Variants in TROAP observed in about 807,000 individuals in gnomAD.
The protein encoded by TROAP is tastin.
In TROAP, 62 loss-of-function variants were observed where a neutral mutation model predicts 83.4. The ratio of observed to expected loss-of-function variants is 0.74; its 90% CI spans 0.61 to 0.92. TROAP has a LOEUF of 0.92. Ranked by LOEUF, TROAP falls within the 40% of genes least tolerant of loss-of-function variation. TROAP has a pLI of 0.00. For synonymous variants in TROAP, 352 were observed against 386.4 expected (o/e 0.91, Z 1.04); for missense variants, 876 against 985.1 (o/e 0.89, Z 1.48).
rs1408189674 is a variant in TROAP, at chr12:49,331,362, C to T, written c.2247C>T (p.Val749=). The part of the protein sequence containing the change: ...SRAPPSGPTR[V]CTNPVATLLE... The stretch of plus-strand genomic sequence containing the variant: ...CCCCTCCCTCAGGCCCCACCCGGGT[C>T]TGCACCAACCCTGTGGCTACATTAC... Residue 749 remains valine (V), a synonymous_variant, in exon 14 of 15, where the codon GTC becomes GTT. Coordinates refer to ENST00000257909, the MANE Select transcript of TROAP (RefSeq NM_005480.4). 3.1e-6 allele frequency: 5 copies of T among 1,614,206 alleles called. No individual in the cohort carries two copies. The highest frequency in any genetic ancestry group is 4.2e-6 in the Non-Finnish European group (5 of 1,180,032).
At position 49,326,707 on chromosome 12, in the gene TROAP, C is replaced by G. The variant is rs1361445734; in HGVS notation, c.756C>G (p.Thr252=). The G allele has an allele frequency of 6.4e-7, 1 of 1,561,996 alleles. No individual in the cohort carries two copies. The highest frequency in any genetic ancestry group is 8.7e-7 in the Non-Finnish European group (1 of 1,151,618). The change falls in exon 7 of 15, where the codon ACC becomes ACG. Residue 252 remains threonine, a synonymous_variant. Transcript: ENST00000257909. ...AGGCCTCAGGATTGCTCCTGGAGAC[C>G]CCAGTCCAGCCTGGTAAGTGTTTCT... ...VSQASGLLLE[T]PVQPAFSLPK...
Position 49,323,879 on chromosome 12 carries a change from G to A in TROAP, c.179G>A (p.Arg60His), listed in dbSNP as rs1225287446. The change falls in exon 3 of 15, where the codon CGC becomes CAC. Residue 60 changes from arginine to histidine, a missense_variant. Physicochemically the swap from Arg to His is conservative, Grantham distance 29 (BLOSUM62 0). Around this residue, in one of 3 missense-constraint regions of TROAP, gnomAD observed 689 missense variants for 722.6 expected, o/e 0.95. Transcript: ENST00000257909. Reference sequence around the variant, plus strand: ...CAGAAACCACCGCTCAATATTCAACGCCCCCTCGTTGATTCAGCAGGCCCC... The same window carrying A: ...CAGAAACCACCGCTCAATATTCAACACCCCCTCGTTGATTCAGCAGGCCCC... ...WVQKPPLNIQ[R>H]PLVDSAGPRP... 2 of 1,614,002 alleles carry A rather than the reference G, an allele frequency of 1.2e-6. No individual in the cohort carries two copies. Among genetic ancestry groups the A allele is most frequent in the African/African-American group, 1.3e-5 (1 of 75,020 alleles).
intron 14 of TROAP, 36 bp from the exon 15 acceptor site, chr12:49,331,537 T>C (rs753517491): frequency 1.9e-6 from 3 of 1,614,022 alleles, no homozygotes; most frequent in African/African-American, 1.3e-5. Context: ...CAGTGCAAGG[T>C]TGGCTGAGCT....
intron 3 of TROAP, among the ~76,000 whole-genome samples, chr12:49,325,100 G>A (rs1300115816): frequency 6.6e-6 from 1 of 151,244 alleles, no homozygotes; most frequent in Non-Finnish European, 1.5e-5. Context: ...TTTGTTTTTT[G>A]TAGAGATGGG....
At chr12:49,324,221 A>G in intron 3 of TROAP, 184 bp downstream of exon 3, 1 of 1,613,230 alleles carries the variant, frequency 6.2e-7, no homozygotes, top group Non-Finnish European at 8.5e-7. Flanking sequence ...GCAAAATGTC[A>G]TCTCGCCAGG....
chr12:49,326,109 A>G lies in TROAP; in HGVS notation c.667A>G (p.Thr223Ala). The G allele has an allele frequency of 6.2e-7, 1 of 1,613,606 alleles. No homozygotes were observed. The highest frequency in any genetic ancestry group is 8.5e-7 in the Non-Finnish European group (1 of 1,179,978). The change falls in exon 6 of 15, where the codon ACT becomes GCT. Residue 223 changes from threonine to alanine, a missense_variant. Thr to Ala is a moderately conservative substitution (Grantham distance 58, BLOSUM62 0). Transcript: ENST00000257909. ...TTCAGGACCTTCCTTTCACCCTTCC[A>G]CTCGCCCCAGTTTCCAGGAGCTAAG... ...SPSGPSFHPS[T>A]RPSFQELRRE...
chr12:49,324,526 G>T, intron 3 of TROAP: 1 of 216,166 alleles, frequency 4.6e-6, no homozygotes, highest in African/African-American at 2.3e-5. Flanking sequence ...CTTGAGGATA[G>T]GGGCTTTGTC....
chr12:49,324,774 A>G (rs1422969534), intron 3 of TROAP, among the ~76,000 whole-genome samples: 1 of 148,284 alleles, frequency 6.7e-6, no homozygotes, highest in African/African-American at 2.5e-5. Context: ...TCTATCCCTC[A>G]GGCTAGAGTA....
Position 49,326,127 on chromosome 12 carries a change from G to T in TROAP, c.685G>T (p.Glu229Ter), listed in dbSNP as rs1356145930. Residue 229 changes from glutamate to a stop codon, truncating the protein, a stop_gained, in exon 6 of 15, where the codon GAG (glutamate) becomes TAG (stop). Coordinates refer to ENST00000257909, the MANE Select transcript of TROAP (RefSeq NM_005480.4). LOFTEE classifies it high-confidence loss of function. ...FHPSTRPSFQ[E>*]LRRETAGSSR... is the part of the protein sequence containing the mutation. ...CCCTTCCACTCGCCCCAGTTTCCAGGAGCTAAGAAGGGAGACAGCTGGCAG... is the reference window on the plus strand; with the variant it reads ...CCCTTCCACTCGCCCCAGTTTCCAGTAGCTAAGAAGGGAGACAGCTGGCAG... 1.2e-6 allele frequency: 2 copies of T among 1,614,032 alleles called. No homozygotes were observed.
chr12:49,327,007 T>C (rs942393378), intron 7 of TROAP, among the ~76,000 whole-genome samples: 3 of 152,158 alleles, frequency 2.0e-5, no homozygotes, highest in Non-Finnish European at 4.4e-5. Flanking sequence ...CATCACCACA[T>C]CCCCAGCCTA....
At chr12:49,323,537 G>T (rs988806022) in intron 1 of TROAP, 67 bp from the exon 2 acceptor site, 5 of 1,568,878 alleles carry the variant, frequency 3.2e-6, no homozygotes, top group African/African-American at 2.7e-5. Flanking sequence ...GGCAGGACAG[G>T]TGCCCCGAGA....
At chr12:49,324,072 G>A in intron 3 of TROAP, 35 bp downstream of exon 3, 1 of 1,612,312 alleles carries the variant, frequency 6.2e-7, no homozygotes. Context: ...CGGCCTCCAT[G>A]GCTGAGTAGG....
At position 49,324,308 on chromosome 12, in the gene TROAP, A is replaced by T. The variant is rs11558780; in HGVS notation, c.337+271A>T. On this transcript the variant is annotated intron_variant, in intron 3 of 14. Coordinates refer to ENST00000257909, the MANE Select transcript of TROAP (RefSeq NM_005480.4). ...GATCACTGGAGGCCAGGAGTTGGAG[A>T]CCAGCCTGGATGACAGAGGGAGATC... The T allele has an allele frequency of 3.0e-6, 3 of 1,001,680 alleles. No homozygotes were observed. In the South Asian group the frequency reaches 3.9e-5, roughly 13 times the overall value. The allele number at this position is 1,001,680 out of a possible 1,614,324, so 62.0% of individuals were successfully genotyped here.
In TROAP at chr12:49,329,968, A is replaced by G; in HGVS notation, c.1276A>G (p.Ser426Gly). The G allele has an allele frequency of 6.2e-7, 1 of 1,614,140 alleles. No individual in the cohort carries two copies. The highest frequency in any genetic ancestry group is 8.5e-7 in the Non-Finnish European group (1 of 1,179,998). Residue 426 changes from serine (S) to glycine (G), a missense_variant, in exon 12 of 15, where the codon AGC (serine) becomes GGC (glycine). Physicochemically the swap from Ser to Gly is moderately conservative, Grantham distance 56. This residue lies in a region of TROAP where 689 missense variants were observed against 722.6 expected (regional missense o/e 0.95). Coordinates refer to ENST00000257909, the MANE Select transcript of TROAP (RefSeq NM_005480.4). The surrounding 1 kb of genome is among the most constrained non-coding windows in gnomAD (Gnocchi z 4.5). ...PSGPHSNRTP[S>G]LQEVKIQRIG... ...TGGACCCCACTCTAACAGAACCCCCAGCCTCCAGGAGGTGAAGATTCAAGT... is the reference window on the plus strand; with the variant it reads ...TGGACCCCACTCTAACAGAACCCCCGGCCTCCAGGAGGTGAAGATTCAAGT...
rs1187684244 is a variant in TROAP, at chr12:49,330,408, GC to G, written c.1568del (p.Pro523GlnfsTer34). 1 of 1,614,144 alleles carries G rather than the reference GC, an allele frequency of 6.2e-7. No individual in the cohort carries two copies. The highest frequency in any genetic ancestry group is 1.1e-5 in the South Asian group (1 of 91,088). ...PQPCPPAEPG[P>X]PEAFCRSEPE... is the part of the protein sequence containing the mutation. ...AGCCCTGCCCTCCGGCAGAGCCTGG[GC>G]CCCCAGAGGCCTTCTGTAGGAGTGA... is the stretch of plus-strand genomic sequence containing the variant. On this transcript the variant is annotated frameshift_variant, in exon 13 of 15. Coordinates refer to ENST00000257909, the MANE Select transcript of TROAP (RefSeq NM_005480.4). LOFTEE classifies it high-confidence loss of function.
At position 49,326,715 on chromosome 12, in the gene TROAP, A is replaced by C. The variant is rs141925005; in HGVS notation, c.764A>C (p.Gln255Pro). 2.6e-6 allele frequency: 4 copies of C among 1,561,912 alleles called. No homozygotes were observed. In the African/African-American group the frequency reaches 5.4e-5, roughly 21 times the overall value. ...GGATTGCTCCTGGAGACCCCAGTCC[A>C]GCCTGGTAAGTGTTTCTGGCGTGGG... ...ASGLLLETPV[Q>P]PAFSLPKGER... The change falls in exon 7 of 15, where the codon CAG becomes CCG. Residue 255 changes from glutamine to proline, a missense_variant. Transcript: ENST00000257909.
chr12:49,330,348 A>G lies in TROAP; in HGVS notation c.1503A>G (p.Pro501=). 7 of 1,614,166 alleles carry G rather than the reference A, an allele frequency of 4.3e-6. No homozygotes were observed. The highest frequency in any genetic ancestry group is 5.1e-6 in the Non-Finnish European group (6 of 1,179,996). ...LPGLLKHSGL[P]KPCLPEECGE... ...GACTGTTAAAACACTCAGGGCTGCC[A>G]AAGCCCTGTCTTCCAGAGGAGTGCG... The change falls in exon 13 of 15, where the codon CCA becomes CCG. Residue 501 remains proline, a synonymous_variant. Coordinates refer to ENST00000257909, the MANE Select transcript of TROAP (RefSeq NM_005480.4).
intron 14 of TROAP, 64 bp downstream of exon 14, chr12:49,331,471 G>C (rs936915585): frequency 4.5e-5 from 73 of 1,609,426 alleles, no homozygotes; most frequent in Non-Finnish European, 6.0e-5. Flanking sequence ...GTGGGGAACA[G>C]GGACAGGGGG....
Position 49,325,603 on chromosome 12 carries a change from T to C in TROAP, c.440T>C (p.Leu147Pro), listed in dbSNP as rs1467233334. The change falls in exon 4 of 15, where the codon CTG becomes CCG. Residue 147 changes from leucine (L) to proline (P), a missense_variant. This residue lies in a region of TROAP where 689 missense variants were observed against 722.6 expected (regional missense o/e 0.95). Coordinates refer to ENST00000257909, the MANE Select transcript of TROAP (RefSeq NM_005480.4). ...TGTCACCTGGGGCGCCAGCCTAGTC[T>C]GGCTAAAAGAGTACTGGTTCGAGGA... is the stretch of plus-strand genomic sequence containing the variant. ...KSCHLGRQPSLAKRVLVRGSQ... is the reference protein window; with the variant it reads ...KSCHLGRQPSPAKRVLVRGSQ... The C allele has an allele frequency of 6.2e-7, 1 of 1,613,938 alleles. No homozygotes were observed. The highest frequency in any genetic ancestry group is 1.7e-5 in the Admixed American group (1 of 60,012).
Sources: gnomAD v4.1 joint callset for allele counts (sites outside exome capture counted in the v4.1 genomes callset) on GRCh38, gnomAD v4.1.1 for gene constraint, gnomAD v4.1.1 regional missense constraint, Gnocchi (gnomAD v3.1) non-coding constraint, MANE v1.5 for transcripts, NCBI Gene and HGNC (gene_info 2026-07-23, HGNC 2026-07-21) for gene names.